Variants in ZNF683 observed in about 807,000 individuals in gnomAD.
ZNF683 encodes zinc finger protein 683.
In ZNF683, 20 loss-of-function variants were observed where a neutral mutation model predicts 31.4. The ratio of observed to expected loss-of-function variants is 0.64; its 90% CI spans 0.45 to 0.93. The LOEUF (loss-of-function observed/expected upper bound fraction) is 0.93, where lower values mean the gene tolerates loss of function less well. ZNF683 is among the 40% of genes least tolerant of loss of function. ZNF683 has a pLI of 0.00. For synonymous variants in ZNF683, 264 were observed against 267.6 expected, an observed-to-expected ratio of 0.99 and a Z score of 0.13; for missense variants, 621 against 637.2, an observed-to-expected ratio of 0.97 and a Z score of 0.27.
rs778814906 is a variant in ZNF683 at position 26,365,113 on chromosome 1, C to A, written c.433G>T (p.Ala145Ser). The A allele has an allele frequency of 9.3e-6, 15 of 1,606,144 alleles. No individual in the cohort carries two copies. Among genetic ancestry groups the A allele is most frequent in the Non-Finnish European group, 1.2e-5 (14 of 1,176,422 alleles). The change falls in exon 4 of 6, where the codon GCC (alanine) becomes TCC (serine). Residue 145 changes from alanine to serine, a missense_variant. Coordinates refer to ENST00000349618, the MANE Select transcript of ZNF683 (RefSeq NM_001114759.3). The part of the protein sequence containing the change: ...GKQPERAGEG[A>S]PCPAFSSHNS... ...TGAGAGGAGAAGGCTGGGCAGGGGG[C>A]CCCCTCGCCAGCTCTTTCTGGCTGT... is the stretch of plus-strand genomic sequence containing the variant.
At chr1:26,372,403 A>G (rs1454735427) in intron 1 of ZNF683, 2 of 1,130,386 alleles carry the variant, frequency 1.8e-6, no homozygotes, top group Non-Finnish European at 2.4e-6. Flanking sequence ...TGAGGGAGGC[A>G]AAAGGTACCT....
chr1:26,371,845 T>C (rs544993765), intron 1 of ZNF683, among the ~76,000 whole-genome samples: 1 of 151,442 alleles, frequency 6.6e-6, no homozygotes, highest in South Asian at 2.1e-4. Context: ...GGTGGGAGGA[T>C]CACTTGAGCC....
chr1:26,365,664 G>T (rs2074504574), intron 3 of ZNF683, among the ~76,000 whole-genome samples: 1 of 152,222 alleles, frequency 6.6e-6, no homozygotes, highest in African/African-American at 2.4e-5. Flanking sequence ...GACAGCACAG[G>T]TATAGAATGT....
intron 1 of ZNF683, 43 bp downstream of exon 1, chr1:26,372,626 A>C: frequency 7.7e-7 from 1 of 1,304,434 alleles, no homozygotes; most frequent in Non-Finnish European, 1.0e-6. Flanking sequence ...CTGTTAGAAA[A>C]AAATAAAAAC....
intron 3 of ZNF683, 57 bp from the exon 4 acceptor site, chr1:26,365,283 G>C: frequency 2.7e-6 from 4 of 1,503,160 alleles, no homozygotes; most frequent in Non-Finnish European, 3.6e-6. Flanking sequence ...AGTTCTGTCC[G>C]CCATCAAACC....
chr1:26,369,135 C>T (rs1482442391), intron 1 of ZNF683, among the ~76,000 whole-genome samples: 3 of 152,016 alleles, frequency 2.0e-5, no homozygotes, highest in South Asian at 4.2e-4. Context: ...ATCCCAGCTA[C>T]TCAGGAGGCC....
chr1:26,361,717 T>A lies in ZNF683; in HGVS notation c.1449A>T (p.Lys483Asn), dbSNP rs36040832. The A allele has an allele frequency of 1.5e-3, 2,373 of 1,614,078 alleles. 38 individuals carry two copies. In the African/African-American group the frequency reaches 0.028, roughly 19 times the overall value. ...CACTGCTCAGGCTCACTGCTCTTGCTTTCCCCTGGGATGTCGAGGACACTT... is the reference window on the plus strand; with the variant it reads ...CACTGCTCAGGCTCACTGCTCTTGCATTCCCCTGGGATGTCGAGGACACTT... Reference protein sequence around the residue: ...EVKVSSTSQGKARAVSLSSAG... With the variant: ...EVKVSSTSQGNARAVSLSSAG... The change falls in exon 6 of 6, where the codon AAA becomes AAT. Residue 483 changes from lysine (K) to asparagine (N), a missense_variant. Transcript: ENST00000349618.
chr1:26,363,683 C>A (rs1210486332), intron 4 of ZNF683, among the ~76,000 whole-genome samples: 1 of 147,716 alleles, frequency 6.8e-6, no homozygotes, highest in Non-Finnish European at 1.5e-5. Context: ...TGGGAGAATC[C>A]CTTAAGCCCA....
rs2074425533 is a variant in ZNF683 at position 26,363,112 on chromosome 1, C to T, written c.1057G>A (p.Ala353Thr). Residue 353 changes from alanine (A) to threonine (T), a missense_variant, in exon 5 of 6, where the codon GCC becomes ACC. By Grantham distance (58) the Ala-to-Thr change is moderately conservative. Coordinates refer to ENST00000349618, the MANE Select transcript of ZNF683 (RefSeq NM_001114759.3). ...VHSGERPFQC[A>T]LCQKSFTQLA... ...TGAGTGAAGCTCTTCTGGCACAAGG[C>T]ACACTGGAATGGACGCTCTCCACTG... 3 of 1,612,778 alleles carry T rather than the reference C, an allele frequency of 1.9e-6. No individual in the cohort carries two copies. The highest frequency in any genetic ancestry group is 2.2e-5 in the South Asian group (2 of 90,740).
chr1:26,373,843 C>T (rs970135136), upstream of ZNF683, among the ~76,000 whole-genome samples: 1 of 152,158 alleles, frequency 6.6e-6, no homozygotes, highest in African/African-American at 2.4e-5. Context: ...GTGTCTGGCA[C>T]TGTGCTAGGG....
At chr1:26,367,133 C>T (rs376858866) in intron 3 of ZNF683, among the ~76,000 whole-genome samples, 45 of 152,132 alleles carry the variant, frequency 3.0e-4, no homozygotes, top group African/African-American at 9.9e-4. Flanking sequence ...GGGGTGGTGG[C>T]GCACACCTGT....
chr1:26,370,881 G>C, intron 1 of ZNF683: 1 of 205,430 alleles, frequency 4.9e-6, no homozygotes, highest in South Asian at 1.7e-4. Flanking sequence ...GCCTACCTGT[G>C]GCAACTCTGG....
At chr1:26,370,074 A>G (rs778784368) in intron 1 of ZNF683, among the ~76,000 whole-genome samples, 3 of 152,098 alleles carry the variant, frequency 2.0e-5, no homozygotes, top group Non-Finnish European at 4.4e-5. Flanking sequence ...AGAGGAGAGG[A>G]AGGCCCTCAC....
At chr1:26,363,888 G>A (rs1372134577) in intron 4 of ZNF683, among the ~76,000 whole-genome samples, 1 of 152,200 alleles carries the variant, frequency 6.6e-6, no homozygotes, top group Admixed American at 6.5e-5. Flanking sequence ...CTGCCCTGCA[G>A]GATCCAGCAG....
intron 2 of ZNF683, 141 bp from the exon 3 acceptor site, chr1:26,367,938 G>T (rs943866642): frequency 1.6e-6 from 1 of 640,920 alleles, no homozygotes; most frequent in Non-Finnish European, 2.6e-6. Flanking sequence ...CACTCAAATG[G>T]CATCTCTTCC....
upstream of ZNF683, chr1:26,372,826 G>T (rs2124222253): frequency 8.5e-7 from 1 of 1,179,270 alleles, no homozygotes; most frequent in East Asian, 6.0e-5. Flanking sequence ...ACATCACAGG[G>T]CATGGAGGCT....
At position 26,372,736 on chromosome 1, in the gene ZNF683, C is replaced by T; in HGVS notation, c.-82G>A. 12 of 1,228,218 alleles carry T rather than the reference C, an allele frequency of 9.8e-6. No individual in the cohort carries two copies. Among genetic ancestry groups the T allele is most frequent in the Non-Finnish European group, 1.1e-5 (11 of 958,690 alleles). The allele number at this position is 1,228,218 out of a possible 1,614,324, so 76.1% of individuals were successfully genotyped here. On this transcript the variant is annotated 5_prime_UTR_variant, in exon 1 of 6. Transcript: ENST00000349618. Reference sequence around the variant, plus strand: ...GGTCAAGGCATCTGCTCAGGTTCCTCAGTTAGAAGACCATGGTCCTCCCTT... The same window carrying T: ...GGTCAAGGCATCTGCTCAGGTTCCTTAGTTAGAAGACCATGGTCCTCCCTT...
chr1:26,365,308 C>T (rs1029423241), intron 3 of ZNF683, 82 bp from the exon 4 acceptor site: 8 of 1,370,796 alleles, frequency 5.8e-6, no homozygotes, highest in Non-Finnish European at 6.8e-6. Context: ...CTGCTCGGGG[C>T]TGAGAAAGAC....
At chr1:26,362,460 A>G (rs2074409727) in intron 5 of ZNF683, among the ~76,000 whole-genome samples, 2 of 152,166 alleles carry the variant, frequency 1.3e-5, no homozygotes, top group South Asian at 4.1e-4. Context: ...ATGACTAAGT[A>G]TTAGTACAAG....
Sources: allele counts gnomAD v4.1 joint callset (sites outside exome capture counted in the v4.1 genomes callset), GRCh38; gene constraint gnomAD v4.1.1; transcripts MANE v1.5; gene names NCBI Gene and HGNC (gene_info 2026-07-23, HGNC 2026-07-21).